Variants in USH2A observed in about 807,000 individuals in gnomAD.
USH2A encodes Usher syndrome 2A (autosomal recessive, mild).
USH2A carries 443 observed loss-of-function variants against 538.9 expected under a neutral mutation model. The observed-to-expected ratio is 0.82, with a 90% CI of 0.76 to 0.89. USH2A has a LOEUF of 0.89. Among genes scored for constraint, USH2A ranks in the 40% least tolerant of loss-of-function variants. USH2A has a pLI of 0.00. For synonymous variants in USH2A, 2,413 were observed against 2,273.5 expected (o/e 1.06, Z -1.75); for missense variants, 6,633 against 6,324.8 (o/e 1.05, Z -1.65).
intron 61 of USH2A, among the ~76,000 whole-genome samples, chr1:215,690,900 T>C (rs1256980486): frequency 6.6e-6 from 1 of 152,088 alleles, no homozygotes; most frequent in Non-Finnish European, 1.5e-5. Flanking sequence ...CCTTTTTTTC[T>C]CTTTTTTTAG....
chr1:215,880,289 A>AT (rs1344983510), intron 41 of USH2A, among the ~76,000 whole-genome samples: 3 of 152,152 alleles, frequency 2.0e-5, no homozygotes, highest in Non-Finnish European at 2.9e-5. Context: ...ATGACCTGAG[A>AT]TTTTTTAAAG....
chr1:216,227,669 A>T (rs554496137), intron 14 of USH2A, among the ~76,000 whole-genome samples: 1 of 152,290 alleles, frequency 6.6e-6, no homozygotes, highest in Non-Finnish European at 1.5e-5. Context: ...GACAATGTAG[A>T]CAAGCTGGAG....
chr1:216,096,831 C>T (rs183685206), intron 22 of USH2A, among the ~76,000 whole-genome samples: 1 of 152,238 alleles, frequency 6.6e-6, no homozygotes, highest in Admixed American at 6.5e-5. Flanking sequence ...TATAAGGTGG[C>T]ATTTTGGTTG....
intron 64 of USH2A, among the ~76,000 whole-genome samples, chr1:215,654,115 A>C (rs1292025778): frequency 6.6e-6 from 1 of 152,220 alleles, no homozygotes; most frequent in Non-Finnish European, 1.5e-5. Flanking sequence ...GATGTTCTTC[A>C]TCTTTGATTT....
chr1:215,654,737 T>C (rs756794769), intron 64 of USH2A, among the ~76,000 whole-genome samples: 9 of 152,234 alleles, frequency 5.9e-5, no homozygotes, highest in Non-Finnish European at 1.2e-4. Flanking sequence ...AGCAAAATGA[T>C]AGATTAATAT....
chr1:215,765,782 T>C (rs1157326394), intron 56 of USH2A, among the ~76,000 whole-genome samples: 1 of 152,168 alleles, frequency 6.6e-6, no homozygotes, highest in Non-Finnish European at 1.5e-5. Flanking sequence ...TATAATGTCA[T>C]AACTTCCTCT....
intron 5 of USH2A, 121 bp from the exon 6 acceptor site, chr1:216,325,720 T>A (rs772716487): frequency 1.3e-4 from 124 of 940,336 alleles, no homozygotes; most frequent in Non-Finnish European, 1.8e-4. Context: ...TTAGTTTTAA[T>A]AATTTGATGC....
At chr1:215,649,166 C>T (rs1348427521) in intron 65 of USH2A, among the ~76,000 whole-genome samples, 1 of 152,204 alleles carries the variant, frequency 6.6e-6, no homozygotes. Flanking sequence ...AGTCAGCATT[C>T]ACCAAGGTCC....
intron 20 of USH2A, among the ~76,000 whole-genome samples, chr1:216,183,179 AT>A (rs1253590703): frequency 1.3e-5 from 2 of 151,682 alleles, no homozygotes; most frequent in Non-Finnish European, 2.9e-5. Flanking sequence ...TCATCCTTTC[AT>A]TTGTTTGTTT....
intron 3 of USH2A, among the ~76,000 whole-genome samples, chr1:216,410,172 T>C (rs1057479940): frequency 6.6e-6 from 1 of 151,666 alleles, no homozygotes; most frequent in Non-Finnish European, 1.5e-5. Flanking sequence ...TCAGTCAGAA[T>C]GTCTGTTATT....
intron 21 of USH2A, among the ~76,000 whole-genome samples, chr1:216,171,711 C>T (rs538739198): frequency 2.4e-4 from 37 of 151,986 alleles, no homozygotes; most frequent in African/African-American, 8.7e-4. Flanking sequence ...CTGCTAGATA[C>T]CAATACTGTC....
chr1:216,420,560 A>G (rs1302796929), intron 2 of USH2A, among the ~76,000 whole-genome samples: 1 of 152,110 alleles, frequency 6.6e-6, no homozygotes, highest in Non-Finnish European at 1.5e-5. Flanking sequence ...TGTTCTTCCA[A>G]CCCTGTAAAT....
chr1:216,115,443 C>T (rs2032983873), intron 21 of USH2A, among the ~76,000 whole-genome samples: 1 of 152,112 alleles, frequency 6.6e-6, no homozygotes, highest in Admixed American at 6.5e-5. Context: ...TTGTGCTGGG[C>T]ACAAATATAT....
intron 49 of USH2A, among the ~76,000 whole-genome samples, chr1:215,807,466 C>T (rs977290445): frequency 1.3e-5 from 2 of 152,098 alleles, no homozygotes; most frequent in Non-Finnish European, 2.9e-5. Flanking sequence ...AAAATTGATT[C>T]CCTCTATTTG....
chr1:215,903,219 T>C (rs577250185), intron 38 of USH2A, among the ~76,000 whole-genome samples: 2 of 152,248 alleles, frequency 1.3e-5, no homozygotes, highest in East Asian at 1.9e-4. Context: ...GTTGAAACTT[T>C]GCATTTGGCC....
chr1:216,319,397 G>A (rs776853473), intron 9 of USH2A, among the ~76,000 whole-genome samples: 5 of 152,050 alleles, frequency 3.3e-5, no homozygotes, highest in Non-Finnish European at 5.9e-5. Context: ...AATATGATAA[G>A]CCATACAATC....
At chr1:215,722,065 T>G (rs909791023) in intron 61 of USH2A, among the ~76,000 whole-genome samples, 1 of 59,168 alleles carries the variant, frequency 1.7e-5, no homozygotes, top group Non-Finnish European at 4.7e-5. Context: ...ACCCTGTCTC[T>G]TTAAAAAAAA....
intron 35 of USH2A, among the ~76,000 whole-genome samples, chr1:215,984,719 T>G (rs1183574803): frequency 6.6e-6 from 1 of 152,210 alleles, no homozygotes; most frequent in Admixed American, 6.5e-5. Context: ...ACTGTAAGAA[T>G]TAAACAACAA....
Position 215,745,749 on chromosome 1 carries a change from T to A in USH2A, c.11390-2414A>T, listed in dbSNP as rs531568552. On this transcript the variant is annotated intron_variant, in intron 58 of 71. Coordinates refer to ENST00000307340, the MANE Select transcript of USH2A (RefSeq NM_206933.4). ...TAGGCCCATCTGATATCAACACTTA[T>A]ATCAATATACTTATGCTTTTCCTTG... 1.2e-3 allele frequency among the ~76,000 whole-genome samples: 177 copies of A among 152,340 alleles called. 2 individuals are homozygous for A. The South Asian group carries it at 0.018, about 16-fold the overall frequency.
Sources: allele counts gnomAD v4.1 joint callset (sites outside exome capture counted in the v4.1 genomes callset), GRCh38; gene constraint gnomAD v4.1.1; transcripts MANE v1.5; gene names NCBI Gene and HGNC (gene_info 2026-07-23, HGNC 2026-07-21).